Variants in CACNB4 observed in about 807,000 individuals in gnomAD.
CACNB4 encodes the protein calcium voltage-gated channel auxiliary subunit beta 4.
CACNB4 carries 32 observed loss-of-function variants against 71.2 expected under a neutral mutation model. The observed-to-expected ratio is 0.45, with a 90% CI of 0.34 to 0.60. The LOEUF is 0.60. Ranked by LOEUF, CACNB4 falls within the 20% of genes least tolerant of loss-of-function variation. CACNB4 has a pLI of 0.01. For synonymous variants in CACNB4, 231 were observed against 236.9 expected (o/e 0.97, Z 0.23); for missense variants, 464 against 647.9 (o/e 0.72, Z 3.08).
chr2:151,989,055 C>A (rs780699271), intron 2 of CACNB4, among the ~76,000 whole-genome samples: 2 of 152,184 alleles, frequency 1.3e-5, no homozygotes, highest in Non-Finnish European at 2.9e-5. Flanking sequence ...TCTTTTCATT[C>A]CATTTCAGTG....
intron 2 of CACNB4, among the ~76,000 whole-genome samples, chr2:152,085,602 G>A (rs537241363): frequency 3.0e-4 from 46 of 152,028 alleles, no homozygotes; most frequent in South Asian, 8.3e-4. Flanking sequence ...CAGCTCTTGC[G>A]GCTTCCTTTC....
At position 151,869,167 on chromosome 2, in the gene CACNB4, T is replaced by C. The variant is rs767190189; in HGVS notation, c.758+10A>G. 5 of 1,487,262 alleles carry C rather than the reference T, an allele frequency of 3.4e-6. No homozygotes were observed. The African/African-American group carries it at 4.2e-5, about 12-fold the overall frequency. 92.1% of individuals were successfully genotyped at this position (1,487,262 alleles called of 1,614,324 possible). A position where few individuals can be genotyped will look rare whatever the true frequency, so the allele number is the denominator to read the frequency against. ...GAAAATAAAAATACAAAAACATCTA[T>C]ATTTCTCACCTCCCATCAAACCTGT... On this transcript the variant is annotated intron_variant, in intron 9 of 13. Transcript: ENST00000539935.
At chr2:152,035,413 A>G (rs1247092087) in intron 2 of CACNB4, among the ~76,000 whole-genome samples, 1 of 152,170 alleles carries the variant, frequency 6.6e-6, no homozygotes, top group Non-Finnish European at 1.5e-5. Context: ...ATACAAAATT[A>G]GCCAGACATG....
chr2:151,901,997 G>C (rs2099853554), intron 2 of CACNB4, among the ~76,000 whole-genome samples: 1 of 151,544 alleles, frequency 6.6e-6, no homozygotes. Context: ...AGCTGAAGTT[G>C]GCAACGTTCT....
At chr2:152,069,573 T>C (rs1686552387) in intron 2 of CACNB4, among the ~76,000 whole-genome samples, 2 of 151,216 alleles carry the variant, frequency 1.3e-5, no homozygotes, top group Admixed American at 6.6e-5. Flanking sequence ...GGGTCTTTTA[T>C]AGCTCAGCCT....
chr2:152,062,208 A>C (rs2105336479), intron 2 of CACNB4, among the ~76,000 whole-genome samples: 1 of 152,148 alleles, frequency 6.6e-6, no homozygotes, highest in South Asian at 2.1e-4. Flanking sequence ...AACACATGCT[A>C]ATACATGGAA....
intron 4 of CACNB4, among the ~76,000 whole-genome samples, 178 bp from the exon 5 acceptor site, chr2:151,876,734 G>GACTATATTGTATATAA (rs1553757323): frequency 3.4e-4 from 23 of 67,756 alleles, no homozygotes; most frequent in African/African-American, 1.0e-3. Flanking sequence ...CTATACTATA[G>GACTATATTGTATATAA]ACTATATTTT....
chr2:151,919,270 C>A (rs2099858322), intron 2 of CACNB4, among the ~76,000 whole-genome samples: 1 of 152,188 alleles, frequency 6.6e-6, no homozygotes, highest in Non-Finnish European at 1.5e-5. Context: ...CTCACTCATT[C>A]ATCCAGGCTG....
intron 4 of CACNB4, among the ~76,000 whole-genome samples, chr2:151,877,130 C>CTA (rs377457692): frequency 2.3e-3 from 341 of 146,228 alleles, no homozygotes; most frequent in African/African-American, 3.1e-3. Context: ...TATATACATA[C>CTA]TATATATATA....
chr2:151,870,803 G>C (rs1173180517), intron 7 of CACNB4, 39 bp downstream of exon 7: 3 of 1,552,768 alleles, frequency 1.9e-6, no homozygotes, highest in South Asian at 2.3e-5. Context: ...GTATATATAG[G>C]AACCTTAACA....
At chr2:152,013,762 T>C (rs945724539) in intron 2 of CACNB4, among the ~76,000 whole-genome samples, 1 of 152,184 alleles carries the variant, frequency 6.6e-6, no homozygotes, top group Non-Finnish European at 1.5e-5. Context: ...GTAACTCTGG[T>C]AAGGAGGCTC....
intron 12 of CACNB4, among the ~76,000 whole-genome samples, chr2:151,842,955 G>C (rs1261467072): frequency 1.3e-5 from 2 of 152,218 alleles, no homozygotes; most frequent in Non-Finnish European, 2.9e-5. Context: ...AATAAGGAAA[G>C]AAAGTTTAGG....
intron 2 of CACNB4, among the ~76,000 whole-genome samples, chr2:152,050,685 C>T (rs535352264): frequency 5.9e-5 from 9 of 152,068 alleles, no homozygotes; most frequent in Middle Eastern, 3.4e-3. Flanking sequence ...CATTGCACTC[C>T]GGCCTGTGTG....
chr2:152,090,168 G>A (rs1350421509), intron 2 of CACNB4, among the ~76,000 whole-genome samples: 1 of 152,242 alleles, frequency 6.6e-6, no homozygotes, highest in African/African-American at 2.4e-5. Flanking sequence ...CCAGATTTGA[G>A]TGGCCAAAGG....
At chr2:151,897,204 T>A (rs1559954962) in intron 2 of CACNB4, among the ~76,000 whole-genome samples, 1 of 152,250 alleles carries the variant, frequency 6.6e-6, no homozygotes, top group Non-Finnish European at 1.5e-5. Context: ...CACTGGGCCA[T>A]GATCCACTGG....
chr2:151,933,866 C>G (rs1390944567), intron 2 of CACNB4, among the ~76,000 whole-genome samples: 1 of 147,640 alleles, frequency 6.8e-6, no homozygotes, highest in Non-Finnish European at 1.5e-5. Flanking sequence ...CATAGCAACT[C>G]AATATATAAA....
In CACNB4 at chr2:152,034,521, G is replaced by A. The variant is rs575304492; in HGVS notation, c.147+63809C>T. On this transcript the variant is annotated intron_variant, in intron 2 of 13. Coordinates refer to ENST00000539935, the MANE Select transcript of CACNB4 (RefSeq NM_000726.5). ...TCCGGCCTCTCCTTTATTTCAAGCC[G>A]TTACCACAAAATGGGCAAGCGGCTT... Among the ~76,000 whole-genome samples, 23 of 152,288 alleles carry A rather than the reference G, an allele frequency of 1.5e-4. No homozygotes were observed. The East Asian group carries it at 3.3e-3, about 22-fold the overall frequency.
At chr2:152,065,743 T>C (rs1440735381) in intron 2 of CACNB4, among the ~76,000 whole-genome samples, 2 of 152,148 alleles carry the variant, frequency 1.3e-5, no homozygotes, top group African/African-American at 2.4e-5. Context: ...GCCTAAAATC[T>C]TTATGTAAGG....
chr2:152,052,831 A>G (rs1685517363), intron 2 of CACNB4, among the ~76,000 whole-genome samples: 1 of 151,968 alleles, frequency 6.6e-6, no homozygotes, highest in Admixed American at 6.6e-5. Context: ...TACAAAAAAA[A>G]ATTGGCTGGG....
Sources: gnomAD v4.1 joint callset for allele counts (sites outside exome capture counted in the v4.1 genomes callset) on GRCh38, gnomAD v4.1.1 for gene constraint, MANE v1.5 for transcripts, NCBI Gene and HGNC (gene_info 2026-07-23, HGNC 2026-07-21) for gene names.